TBC1D31: variants seen among roughly 807,000 people sequenced by gnomAD.
The protein encoded by TBC1D31 is TBC1 domain family member 31.
In TBC1D31, 99 loss-of-function variants were observed where a neutral mutation model predicts 132.9. That is an observed-to-expected ratio of 0.74 (90% CI 0.63 to 0.88). The LOEUF (loss-of-function observed/expected upper bound fraction) is 0.88, where lower values mean the gene tolerates loss of function less well. Ranked by LOEUF, TBC1D31 falls within the 40% of genes least tolerant of loss-of-function variation. The pLI is 0.00. For missense variants in TBC1D31, 1,134 were observed against 1,256.6 expected (o/e 0.90, Z 1.48); for synonymous variants, 385 against 419.4 (o/e 0.92, Z 1.00).
intron 10 of TBC1D31, among the ~76,000 whole-genome samples, chr8:123,119,149 A>T (rs2130687499): frequency 6.6e-6 from 1 of 152,338 alleles, no homozygotes; most frequent in Admixed American, 6.5e-5. Flanking sequence ...ATCATTGATA[A>T]TATGCGGCCA....
At chr8:123,157,933 A>AGACTGCAG in the TBC1D31 span, among the ~76,000 whole-genome samples, 1 of 152,002 alleles carries the variant, frequency 6.6e-6, no homozygotes, top group East Asian at 1.9e-4. Context: ...TCTGACTGCA[A>AGACTGCAG]GACTGCAGGA....
intron 17 of TBC1D31, among the ~76,000 whole-genome samples, chr8:123,140,059 T>C (rs1586726043): frequency 6.6e-6 from 1 of 151,940 alleles, no homozygotes; most frequent in African/African-American, 2.4e-5. Context: ...AGGCTGCTGG[T>C]TTTCAAGACT....
Position 123,128,476 on chromosome 8 carries a change from A to T in TBC1D31, c.2080A>T (p.Arg694Ter), listed in dbSNP as rs771324048. Reference protein sequence around the residue: ...IVDYQTQERERIRNDELDYLR... With the variant: ...IVDYQTQERE ...GGACTATCAAACACAGGAACGAGAA[A>T]GAATAAGGAATGATGAATTGGATTA... is the stretch of plus-strand genomic sequence containing the variant. The change falls in exon 14 of 22, where the codon AGA becomes TGA. Residue 694 changes from arginine to a stop codon, truncating the protein, a stop_gained. Transcript: ENST00000287380. LOFTEE classifies it high-confidence loss of function. The T allele has an allele frequency of 1.9e-6, 3 of 1,612,866 alleles. No individual in the cohort carries two copies. Among genetic ancestry groups the T allele is most frequent in the Admixed American group, 1.7e-5 (1 of 60,028 alleles).
rs555207624 is a variant in TBC1D31 at position 123,124,510 on chromosome 8, C to T, written c.1571-1546C>T. On this transcript the variant is annotated intron_variant, in intron 11 of 21. Transcript: ENST00000287380. Reference sequence around the variant, plus strand: ...ATCCTCTTGCTAAGGAAAAACAGCGCTCTCTTAATGAAGATTGTAAGGATC... The same window carrying T: ...ATCCTCTTGCTAAGGAAAAACAGCGTTCTCTTAATGAAGATTGTAAGGATC... Among the ~76,000 whole-genome samples the T allele has an allele frequency of 5.1e-4, 77 of 152,282 alleles. 1 individual carries two copies. The Middle Eastern group carries it at 0.014, about 27-fold the overall frequency.
chr8:123,128,824 G>A (rs1016416815), intron 14 of TBC1D31, among the ~76,000 whole-genome samples: 22 of 151,806 alleles, frequency 1.4e-4, no homozygotes, highest in Middle Eastern at 3.2e-3. Flanking sequence ...TGCAGTGAGC[G>A]GAGATCATGC....
chr8:123,107,430 T>G (rs1818037226), intron 8 of TBC1D31, among the ~76,000 whole-genome samples: 1 of 152,244 alleles, frequency 6.6e-6, no homozygotes, highest in African/African-American at 2.4e-5. Flanking sequence ...TTGATTTTCT[T>G]TATAGTTTTA....
In TBC1D31 at chr8:123,120,266, C is replaced by T. The variant is rs1819342587; in HGVS notation, c.1570+78C>T. On this transcript the variant is annotated intron_variant, in intron 11 of 21. Transcript: ENST00000287380. ...TCCTGATGTCTTTGCACCTTTGCAA[C>T]ATTTAACAATTCTAGATGTCTCTAC... 6 of 1,198,166 alleles carry T rather than the reference C, an allele frequency of 5.0e-6. No individual in the cohort carries two copies. In the South Asian group the frequency reaches 9.8e-5, roughly 20 times the overall value. The allele number at this position is 1,198,166 out of a possible 1,614,324, so 74.2% of individuals were successfully genotyped here.
rs529684830 is a variant in TBC1D31, at chr8:123,132,477, G to A, written c.2407-1637G>A. Among the ~76,000 whole-genome samples the A allele has an allele frequency of 1.2e-3, 157 of 136,032 alleles. 1 individual carries two copies. In the Middle Eastern group the frequency reaches 0.021, roughly 19 times the overall value. 89.2% of individuals were successfully genotyped at this position (136,032 alleles called of 152,430 possible). ...CACCTGGGCTGGAGTACAGTGGTGC[G>A]ATCCCGGCTCACTGCAACCTCCACC... On this transcript the variant is annotated intron_variant, in intron 16 of 21. Transcript: ENST00000287380.
chr8:123,073,322 T>G, intron 1 of TBC1D31: 2 of 456,990 alleles, frequency 4.4e-6, no homozygotes, highest in Non-Finnish European at 8.8e-6. Flanking sequence ...GCACAAGCAT[T>G]CATCAACTAT....
Position 123,098,147 on chromosome 8 carries a change from A to G in TBC1D31, c.831+706A>G, listed in dbSNP as rs1176405585. Among the ~76,000 whole-genome samples the G allele has an allele frequency of 2.0e-5, 3 of 152,206 alleles. No individual in the cohort carries two copies. The East Asian group carries it at 5.8e-4, about 29-fold the overall frequency. On this transcript the variant is annotated intron_variant, in intron 6 of 21. Transcript: ENST00000287380. ...CTTTTTGATTAGGTAATATATTAACATGGTTGAAAACATAAAACAGCATAC... is the reference window on the plus strand; with the variant it reads ...CTTTTTGATTAGGTAATATATTAACGTGGTTGAAAACATAAAACAGCATAC...
At chr8:123,094,507 CTTTA>C (rs368810398) in intron 5 of TBC1D31, among the ~76,000 whole-genome samples, 11,554 of 148,154 alleles carry the variant, frequency 0.078, 443 homozygotes, top group Non-Finnish European at 0.09. Context: ...TATTATCACA[CTTTA>C]TTTATTTATT....
At chr8:123,100,497 A>T (rs1327201738) in intron 6 of TBC1D31, among the ~76,000 whole-genome samples, 5 of 151,846 alleles carry the variant, frequency 3.3e-5, no homozygotes, top group Non-Finnish European at 7.4e-5. Context: ...AATTGCTTGA[A>T]CCCAGGGGGC....
At chr8:123,140,675 G>C in intron 17 of TBC1D31, 86 bp from the exon 18 acceptor site, 4 of 1,028,438 alleles carry the variant, frequency 3.9e-6, no homozygotes, top group Non-Finnish European at 5.7e-6. Flanking sequence ...TTTTATTTGT[G>C]TGCATATTAC....
chr8:123,157,091 G>A (rs938220685), downstream of TBC1D31, among the ~76,000 whole-genome samples: 1 of 152,240 alleles, frequency 6.6e-6, no homozygotes, highest in African/African-American at 2.4e-5. Context: ...TGGTCTTGGC[G>A]GGGGTACTTA....
chr8:123,162,747 C>G, the TBC1D31 span, among the ~76,000 whole-genome samples: 6 of 152,224 alleles, frequency 3.9e-5, no homozygotes, highest in Admixed American at 3.9e-4. Flanking sequence ...TACAGCCATG[C>G]TGTATTAGTC....
At chr8:123,092,967 A>G (rs1236391797) in intron 4 of TBC1D31, among the ~76,000 whole-genome samples, 1 of 152,004 alleles carries the variant, frequency 6.6e-6, no homozygotes, top group Non-Finnish European at 1.5e-5. Context: ...GCCTGCCACC[A>G]TGCCTGAGTA....
At chr8:123,132,461 T>C (rs1820723519) in intron 16 of TBC1D31, among the ~76,000 whole-genome samples, 1 of 136,962 alleles carries the variant, frequency 7.3e-6, no homozygotes, top group Admixed American at 8.0e-5. Flanking sequence ...TCACCTGGGC[T>C]GGAGTACAGT....
At chr8:123,141,787 A>G (rs1821706110) in intron 18 of TBC1D31, among the ~76,000 whole-genome samples, 1 of 148,176 alleles carries the variant, frequency 6.7e-6, no homozygotes, top group Non-Finnish European at 1.5e-5. Flanking sequence ...AATCCCACCC[A>G]TACCCTAGCC....
chr8:123,164,630 G>A, the TBC1D31 span, among the ~76,000 whole-genome samples: 4 of 151,990 alleles, frequency 2.6e-5, no homozygotes, highest in Non-Finnish European at 5.9e-5. Flanking sequence ...GCTGAGACAG[G>A]AGAATCTCTT....
Sources: gnomAD v4.1 joint callset for allele counts (sites outside exome capture counted in the v4.1 genomes callset) on GRCh38, gnomAD v4.1.1 for gene constraint, MANE v1.5 for transcripts, NCBI Gene and HGNC (gene_info 2026-07-23, HGNC 2026-07-21) for gene names.